MBD5: variants seen among roughly 807,000 people sequenced by gnomAD.
The protein encoded by MBD5 is methyl-CpG binding domain protein 5, also known as methyl-CpG-binding domain protein 5.
A neutral mutation model predicts 117.3 loss-of-function variants in MBD5; 13 were observed. The ratio of observed to expected loss-of-function variants is 0.11; its 90% CI spans 0.07 to 0.18. The LOEUF (loss-of-function observed/expected upper bound fraction) is 0.18. MBD5 is among the 10% of genes least tolerant of loss of function. The pLI is 1.00. For missense variants in MBD5, 1,879 were observed against 2,093.8 expected, an observed-to-expected ratio of 0.90 and a Z score of 2.00; for synonymous variants, 727 against 766.4, an observed-to-expected ratio of 0.95 and a Z score of 0.85.
intron 1 of MBD5, among the ~76,000 whole-genome samples, chr2:148,151,914 G>T (rs1251561617): frequency 1.2e-4 from 18 of 151,964 alleles, no homozygotes; most frequent in Non-Finnish European, 1.0e-4. Context: ...ATTAATTTTT[G>T]AAGGGTTTTT....
At position 148,024,668 on chromosome 2, in the gene MBD5, T is replaced by G. The variant is rs150286825; in HGVS notation, c.-925+2984T>G. Among the ~76,000 whole-genome samples, 51 of 152,344 alleles carry G rather than the reference T, an allele frequency of 3.3e-4. No homozygotes were observed. The East Asian group carries it at 9.1e-3, about 27-fold the overall frequency. ...CTTTATCTCTACTGTGGCTCTCATTTTATCTAATTAACAGCCAAATTAAAT... is the reference window on the plus strand; with the variant it reads ...CTTTATCTCTACTGTGGCTCTCATTGTATCTAATTAACAGCCAAATTAAAT... On this transcript the variant is annotated intron_variant, in intron 1 of 13. Coordinates refer to ENST00000642680, the MANE Select transcript of MBD5 (RefSeq NM_001378120.1).
At chr2:148,328,106 G>C (rs1251472453) in intron 3 of MBD5, among the ~76,000 whole-genome samples, 1 of 152,170 alleles carries the variant, frequency 6.6e-6, no homozygotes, top group Non-Finnish European at 1.5e-5. Flanking sequence ...GGCCGTGTGA[G>C]GTGTCAGTCT....
chr2:148,481,958 T>TTAC (rs1219483964), intron 8 of MBD5, among the ~76,000 whole-genome samples: 1 of 152,204 alleles, frequency 6.6e-6, no homozygotes, highest in African/African-American at 2.4e-5. Flanking sequence ...AAGAATGCTA[T>TTAC]GTAAGACTGG....
intron 1 of MBD5, among the ~76,000 whole-genome samples, chr2:148,152,666 T>G (rs895269680): frequency 3.3e-5 from 5 of 152,156 alleles, no homozygotes; most frequent in Non-Finnish European, 7.3e-5. Context: ...GCTCTTCTTG[T>G]TGAATTGATC....
At chr2:148,208,488 C>G (rs1558973127) in intron 2 of MBD5, among the ~76,000 whole-genome samples, 1 of 152,114 alleles carries the variant, frequency 6.6e-6, no homozygotes. Flanking sequence ...AACTCCTGAC[C>G]TCAAGTGATC....
chr2:148,398,251 C>G (rs1261697783), intron 4 of MBD5, among the ~76,000 whole-genome samples: 2 of 152,178 alleles, frequency 1.3e-5, no homozygotes, highest in African/African-American at 2.4e-5. Flanking sequence ...AATGGTTGAA[C>G]TAGTTTACAG....
chr2:148,509,482 G>A (rs1208029713), intron 12 of MBD5, among the ~76,000 whole-genome samples: 1 of 152,184 alleles, frequency 6.6e-6, no homozygotes, highest in African/African-American at 2.4e-5. Context: ...CCTCATTTTG[G>A]CTTTTGGCCC....
Position 148,513,037 on chromosome 2 carries a change from T to G in MBD5, c.*96T>G. 1 of 1,224,762 alleles carries G rather than the reference T, an allele frequency of 8.2e-7. No individual in the cohort carries two copies. The highest frequency in any genetic ancestry group is 2.4e-5 in the East Asian group (1 of 42,510). 75.9% of individuals were successfully genotyped at this position (1,224,762 alleles called of 1,614,324 possible). ...GATATAGCCACAGTTATATCAATAT[T>G]TAGACTATGGCAGATAGCTACCACC... is the stretch of plus-strand genomic sequence containing the variant. On this transcript the variant is annotated 3_prime_UTR_variant, in exon 14 of 14. Transcript: ENST00000642680.
intron 3 of MBD5, among the ~76,000 whole-genome samples, chr2:148,286,658 C>T (rs185734450): frequency 1.1e-4 from 16 of 152,290 alleles, no homozygotes; most frequent in Admixed American, 1.0e-3. Flanking sequence ...AAAAGGTATT[C>T]ATTTAATCTG....
At chr2:148,197,212 C>G (rs1237186456) in intron 2 of MBD5, among the ~76,000 whole-genome samples, 1 of 152,112 alleles carries the variant, frequency 6.6e-6, no homozygotes, top group Non-Finnish European at 1.5e-5. Context: ...TCCCAGTCCC[C>G]ATATTGTGAG....
chr2:148,106,795 A>C (rs1441141535), intron 1 of MBD5, among the ~76,000 whole-genome samples: 1 of 152,038 alleles, frequency 6.6e-6, no homozygotes, highest in East Asian at 1.9e-4. Context: ...AACAAAACAA[A>C]GGCCTTAATG....
At chr2:148,285,947 CT>C (rs1046889156) in intron 3 of MBD5, among the ~76,000 whole-genome samples, 3 of 151,996 alleles carry the variant, frequency 2.0e-5, no homozygotes, top group Non-Finnish European at 4.4e-5. Flanking sequence ...TCATTTTTTT[CT>C]ACTTATTCTT....
chr2:148,142,128 G>A (rs73009247), intron 1 of MBD5, among the ~76,000 whole-genome samples: 5,640 of 152,214 alleles, frequency 0.037, 283 homozygotes, highest in African/African-American at 0.11. Context: ...CTATCGTATT[G>A]CAAATGGGAG....
At position 148,489,863 on chromosome 2, in the gene MBD5, G is replaced by A. The variant is rs571209967; in HGVS notation, c.4231G>A (p.Glu1411Lys). ...KNLDHGKNVN[E>K]GDGFEYFKSA... ...TCTAGACCATGGGAAAAATGTGAAC[G>A]AAGGAGATGGGTTTGAATATTTCAA... is the stretch of plus-strand genomic sequence containing the variant. Residue 1411 changes from glutamate (E) to lysine (K), a missense_variant, in exon 11 of 14, where the codon GAA becomes AAA. Coordinates refer to ENST00000642680, the MANE Select transcript of MBD5 (RefSeq NM_001378120.1). 109 of 1,614,144 alleles carry A rather than the reference G, an allele frequency of 6.8e-5. 1 individual carries two copies. In the South Asian group the frequency reaches 9.8e-4, roughly 14 times the overall value.
rs147635842 is a variant in MBD5, at chr2:148,420,996, T to G, written c.-556-37207T>G. Among the ~76,000 whole-genome samples the G allele has an allele frequency of 2.8e-3, 427 of 152,284 alleles. 4 individuals carry two copies. Among genetic ancestry groups the G allele is most frequent in the African/African-American group, 9.6e-3 (398 of 41,556 alleles). ...CACCTGTCTTGGCCTCCCAAAATGCTGGGATTACAGGCATGAGCCACTACA... is the reference window on the plus strand; with the variant it reads ...CACCTGTCTTGGCCTCCCAAAATGCGGGGATTACAGGCATGAGCCACTACA... On this transcript the variant is annotated intron_variant, in intron 4 of 13. Transcript: ENST00000642680.
intron 3 of MBD5, chr2:148,296,621 T>A: frequency 5.7e-6 from 1 of 176,200 alleles, no homozygotes; most frequent in Admixed American, 6.0e-5. Context: ...TGGGCCAATC[T>A]CTTTCTCTAA....
At chr2:148,424,177 CA>C (rs56740583) in intron 4 of MBD5, among the ~76,000 whole-genome samples, 48 of 53,436 alleles carry the variant, frequency 9.0e-4, no homozygotes, top group Admixed American at 4.1e-3. Context: ...GACTCTGTCT[CA>C]AAAAAAAAAA....
At position 148,421,604 on chromosome 2, in the gene MBD5, G is replaced by A. The variant is rs547319531; in HGVS notation, c.-556-36599G>A. Among the ~76,000 whole-genome samples, 3 of 152,224 alleles carry A rather than the reference G, an allele frequency of 2.0e-5. No homozygotes were observed. In the East Asian group the frequency reaches 5.8e-4, roughly 29 times the overall value. ...GAACACATTCACTCCCTTGGAAAGGGGGTTGAAGCCAGGGAGCCAAGTGGT... is the reference window on the plus strand; with the variant it reads ...GAACACATTCACTCCCTTGGAAAGGAGGTTGAAGCCAGGGAGCCAAGTGGT... On this transcript the variant is annotated intron_variant, in intron 4 of 13. Transcript: ENST00000642680.
chr2:148,147,265 C>T (rs919903744), intron 1 of MBD5, among the ~76,000 whole-genome samples: 17 of 151,062 alleles, frequency 1.1e-4, no homozygotes, highest in South Asian at 2.1e-4. Context: ...TTTTCTGAGA[C>T]GGAGTCTCGC....
Sources: gnomAD v4.1 joint callset for allele counts (sites outside exome capture counted in the v4.1 genomes callset) on GRCh38, gnomAD v4.1.1 for gene constraint, MANE v1.5 for transcripts, NCBI Gene and HGNC (gene_info 2026-07-23, HGNC 2026-07-21) for gene names.